The following FNDC5 variants were observed in gnomAD, a reference collection of about 807,000 sequenced individuals.
FNDC5 encodes the protein fibronectin type III domain containing 5, also known as fibronectin type III domain-containing protein 5.
Under a neutral mutation model 24.6 loss-of-function variants are expected in FNDC5, and 10 were observed. That is an observed-to-expected ratio of 0.41 (90% CI 0.25 to 0.69). The LOEUF is 0.69. FNDC5 is among the 30% of genes least tolerant of loss of function. FNDC5 has a pLI of 0.34. For synonymous variants in FNDC5, 90 were observed against 110.7 expected, an observed-to-expected ratio of 0.81 and a Z score of 1.18; for missense variants, 226 against 282.9, an observed-to-expected ratio of 0.80 and a Z score of 1.44.
intron 1 of FNDC5, among the ~76,000 whole-genome samples, chr1:32,869,234 C>T (rs922587323): frequency 3.3e-5 from 5 of 152,216 alleles, no homozygotes; most frequent in Middle Eastern, 3.2e-3. Context: ...GGCCACAGGC[C>T]GGCCCCATGA....
intron 1 of FNDC5, among the ~76,000 whole-genome samples, chr1:32,869,755 G>A (rs1641143375): frequency 6.6e-6 from 1 of 152,102 alleles, no homozygotes; most frequent in Admixed American, 6.5e-5. Context: ...GATAGGGATA[G>A]TGGGGGTCAG....
Position 32,864,164 on chromosome 1 carries a change from A to G in FNDC5, c.*130T>C. ...AGAGGACAGTAAGCCAGAGGGTACAAGGAGATGGAGGGAAGAGATGTAGAG... is the reference window on the plus strand; with the variant it reads ...AGAGGACAGTAAGCCAGAGGGTACAGGGAGATGGAGGGAAGAGATGTAGAG... On this transcript the variant is annotated 3_prime_UTR_variant, in exon 6 of 6. Transcript: ENST00000373471. 6.3e-7 allele frequency: 1 copy of G among 1,594,660 alleles called. No individual in the cohort carries two copies.
In FNDC5 at chr1:32,863,436, G is replaced by A; in HGVS notation, c.*858C>T. On this transcript the variant is annotated 3_prime_UTR_variant, in exon 6 of 6. Transcript: ENST00000373471. ...TGTGCTTGTCATCTCCCAGGGCTTT[G>A]TGCATTTTCTCAAAGAGGAAGCCAG... 3.5e-6 allele frequency: 1 copy of A among 287,562 alleles called. No homozygotes were observed. Among genetic ancestry groups the A allele is most frequent in the South Asian group, 3.6e-5 (1 of 27,872 alleles). The allele number at this position is 287,562 out of a possible 1,614,324, so 17.8% of individuals were successfully genotyped here.
intron 4 of FNDC5, 135 bp downstream of exon 4, chr1:32,867,618 T>C: frequency 4.0e-6 from 3 of 744,760 alleles, no homozygotes; most frequent in East Asian, 2.7e-5. Flanking sequence ...GAACTGTCGT[T>C]GGCAGGACTT....
In FNDC5 at chr1:32,864,111, T is replaced by C; in HGVS notation, c.*183A>G. 1 of 1,512,454 alleles carries C rather than the reference T, an allele frequency of 6.6e-7. No individual in the cohort carries two copies. Among genetic ancestry groups the C allele is most frequent in the Non-Finnish European group, 8.8e-7 (1 of 1,131,468 alleles). The allele number at this position is 1,512,454 out of a possible 1,614,324, so 93.7% of individuals were successfully genotyped here. Reference sequence around the variant, plus strand: ...AGGTGCTTCTGGAGATGGGAGTTAATAAGAGGCTTCAGGAAAGTGCGCCAG... The same window carrying C: ...AGGTGCTTCTGGAGATGGGAGTTAACAAGAGGCTTCAGGAAAGTGCGCCAG... On this transcript the variant is annotated 3_prime_UTR_variant, in exon 6 of 6. Coordinates refer to ENST00000373471, the MANE Select transcript of FNDC5 (RefSeq NM_153756.3).
At chr1:32,866,091 G>A (rs1166628543) in intron 4 of FNDC5, among the ~76,000 whole-genome samples, 1 of 152,146 alleles carries the variant, frequency 6.6e-6, no homozygotes, top group Non-Finnish European at 1.5e-5. Context: ...TCCAAACATG[G>A]TAGATAAAGC....
chr1:32,864,296 A>C lies in FNDC5; in HGVS notation c.637T>G (p.Ter213GlyextTer25). ...GAGGGCAAGCACTGAAAAGGTTTTC[A>C]TATCTGTTTTACAGAAGAGGAAATG... The change falls in exon 6 of 6, where the codon TGA (stop) becomes GGA (glycine). Residue 213 changes from the stop codon to glycine, a stop_lost. Coordinates refer to ENST00000373471, the MANE Select transcript of FNDC5 (RefSeq NM_153756.3). 3 of 1,614,166 alleles carry C rather than the reference A, an allele frequency of 1.9e-6. No homozygotes were observed. Among genetic ancestry groups the C allele is most frequent in the Non-Finnish European group, 2.5e-6 (3 of 1,180,022 alleles).
Position 32,863,759 on chromosome 1 carries a change from TG to T in FNDC5, c.*534del. 7.7e-7 allele frequency: 1 copy of T among 1,304,658 alleles called. No homozygotes were observed. Among genetic ancestry groups the T allele is most frequent in the Non-Finnish European group, 1.0e-6 (1 of 989,074 alleles). 80.8% of individuals were successfully genotyped at this position (1,304,658 alleles called of 1,614,324 possible). A position where few individuals can be genotyped will look rare whatever the true frequency, so the allele number is the denominator to read the frequency against. On this transcript the variant is annotated 3_prime_UTR_variant, in exon 6 of 6. Coordinates refer to ENST00000373471, the MANE Select transcript of FNDC5 (RefSeq NM_153756.3). ...GCAGTCACGCTTCAATGATGTTCACTGAGGGCTTGTTTGGAAACTGGGAGGA... is the reference window on the plus strand; with the variant it reads ...GCAGTCACGCTTCAATGATGTTCACTAGGGCTTGTTTGGAAACTGGGAGGA...
At chr1:32,865,130 G>A (rs1284448) in intron 4 of FNDC5, among the ~76,000 whole-genome samples, 20 of 151,936 alleles carry the variant, frequency 1.3e-4, no homozygotes, top group Admixed American at 4.6e-4. Flanking sequence ...ATGGAGTTTC[G>A]CTCTTGTTGC....
At chr1:32,870,961 G>A (rs1490080609), upstream of FNDC5, 3 of 148,246 alleles carry the variant, frequency 2.0e-5, no homozygotes, top group African/African-American at 4.9e-5. Context: ...GGCGCCCGGG[G>A]GGCGGGGCGC....
chr1:32,863,613 G>A lies in FNDC5; in HGVS notation c.*681C>T. 3.1e-6 allele frequency: 3 copies of A among 975,706 alleles called. No homozygotes were observed. Among genetic ancestry groups the A allele is most frequent in the South Asian group, 2.7e-5 (2 of 73,580 alleles). 60.4% of individuals were successfully genotyped at this position (975,706 alleles called of 1,614,324 possible). ...CTCCTTCATCTGACTAGGACAAGGAGAAGAGAGAACTGTGCAGCTAGCTGT... is the reference window on the plus strand; with the variant it reads ...CTCCTTCATCTGACTAGGACAAGGAAAAGAGAGAACTGTGCAGCTAGCTGT... On this transcript the variant is annotated 3_prime_UTR_variant, in exon 6 of 6. Transcript: ENST00000373471.
intron 5 of FNDC5, 33 bp from the exon 6 acceptor site, chr1:32,864,332 G>T: frequency 6.2e-7 from 1 of 1,612,748 alleles, no homozygotes; most frequent in South Asian, 1.1e-5. Flanking sequence ...AAGGTACAGC[G>T]GTAAAGCACC....
chr1:32,864,148 T>C lies in FNDC5; in HGVS notation c.*146A>G. On this transcript the variant is annotated 3_prime_UTR_variant, in exon 6 of 6. Transcript: ENST00000373471. ...GGAAAGTGCGCCAGAGAGAGGACAG[T>C]AAGCCAGAGGGTACAAGGAGATGGA... The C allele has an allele frequency of 5.1e-6, 8 of 1,566,104 alleles. No individual in the cohort carries two copies. The highest frequency in any genetic ancestry group is 6.9e-6 in the Non-Finnish European group (8 of 1,156,312).
In FNDC5 at chr1:32,867,627, T is replaced by C. The variant is rs1641096035; in HGVS notation, c.499+126A>G. ...TTCCCAGAACTGTCGTTGGCAGGAC[T>C]TGGAGACTTTTCACCTTAGAGATGT... On this transcript the variant is annotated intron_variant, in intron 4 of 5. Transcript: ENST00000373471. 7 of 836,244 alleles carry C rather than the reference T, an allele frequency of 8.4e-6. No individual in the cohort carries two copies. In the East Asian group the frequency reaches 1.9e-4, roughly 22 times the overall value. The allele number at this position is 836,244 out of a possible 1,614,324, so 51.8% of individuals were successfully genotyped here.
chr1:32,868,953 C>A lies in FNDC5; in HGVS notation c.139G>T (p.Ala47Ser). 1 of 1,235,150 alleles carries A rather than the reference C, an allele frequency of 8.1e-7. No homozygotes were observed. The highest frequency in any genetic ancestry group is 1.0e-6 in the Non-Finnish European group (1 of 989,714). The allele number at this position is 1,235,150 out of a possible 1,614,324, so 76.5% of individuals were successfully genotyped here. Residue 47 changes from alanine to serine, a missense_variant, in exon 2 of 6, where the codon GCC becomes TCC. Coordinates refer to ENST00000373471, the MANE Select transcript of FNDC5 (RefSeq NM_153756.3). The surrounding 1 kb of genome is among the most constrained non-coding windows in gnomAD (Gnocchi z 4.8). Reference sequence around the variant, plus strand: ...TCCCAGCTCACCACTGCAGAGTTGGCCTTGAGGTGCCTGACGGTGACGTTC... The same window carrying A: ...TCCCAGCTCACCACTGCAGAGTTGGACTTGAGGTGCCTGACGGTGACGTTC...
upstream of FNDC5, among the ~76,000 whole-genome samples, chr1:32,871,884 A>C (rs1310259549): frequency 1.3e-5 from 2 of 152,200 alleles, no homozygotes; most frequent in Admixed American, 1.3e-4. Flanking sequence ...CCAGAGAAAC[A>C]AGGTGGAGGA....
chr1:32,871,289 T>G (rs532304610), upstream of FNDC5, among the ~76,000 whole-genome samples: 1 of 151,126 alleles, frequency 6.6e-6, no homozygotes, highest in Admixed American at 6.6e-5. Context: ...GATCCCCTCA[T>G]TCCACGGTAG....
chr1:32,867,922 G>C lies in FNDC5; in HGVS notation c.410-80C>G, dbSNP rs1641104373. On this transcript the variant is annotated intron_variant, in intron 3 of 5. Transcript: ENST00000373471. ...CTAGGGCCAAGCCCAAGACAACAGT[G>C]CTGATTTCTACAGGTGCCCACACAT... is the stretch of plus-strand genomic sequence containing the variant. The C allele has an allele frequency of 2.9e-6, 4 of 1,396,452 alleles. No homozygotes were observed. In the African/African-American group the frequency reaches 5.7e-5, roughly 20 times the overall value. The allele number at this position is 1,396,452 out of a possible 1,614,324, so 86.5% of individuals were successfully genotyped here.
In FNDC5 at chr1:32,863,919, A is replaced by C. The variant is rs1184295625; in HGVS notation, c.*375T>G. 11 of 1,274,324 alleles carry C rather than the reference A, an allele frequency of 8.6e-6. No homozygotes were observed. Among genetic ancestry groups the C allele is most frequent in the Admixed American group, 3.0e-5 (1 of 33,406 alleles). 78.9% of individuals were successfully genotyped at this position (1,274,324 alleles called of 1,614,324 possible). Reference sequence around the variant, plus strand: ...CAAGCTCTTGTCCCTTGTGGAAAGAAAAGAGAAGCCCTGCCTGGATGTCTT... The same window carrying C: ...CAAGCTCTTGTCCCTTGTGGAAAGACAAGAGAAGCCCTGCCTGGATGTCTT... On this transcript the variant is annotated 3_prime_UTR_variant, in exon 6 of 6. Coordinates refer to ENST00000373471, the MANE Select transcript of FNDC5 (RefSeq NM_153756.3).
Sources: gnomAD v4.1 joint callset for allele counts (sites outside exome capture counted in the v4.1 genomes callset) on GRCh38, gnomAD v4.1.1 for gene constraint, Gnocchi (gnomAD v3.1) non-coding constraint, MANE v1.5 for transcripts, NCBI Gene and HGNC (gene_info 2026-07-23, HGNC 2026-07-21) for gene names.